Variants in EYS observed in about 807,000 individuals in gnomAD.
EYS encodes protein eyes shut homolog.
Under a neutral mutation model 282.1 loss-of-function variants are expected in EYS, and 250 were observed. The observed-to-expected ratio is 0.89, with a 90% CI of 0.80 to 0.98. The LOEUF is 0.98. EYS is among the 50% of genes least tolerant of loss of function. EYS has a pLI of 0.00. For missense variants in EYS, 4,016 were observed against 3,709.0 expected, an observed-to-expected ratio of 1.08 and a Z score of -2.15; for synonymous variants, 1,355 against 1,282.9, an observed-to-expected ratio of 1.06 and a Z score of -1.20.
chr6:64,278,616 T>G (rs1480590207), intron 30 of EYS, among the ~76,000 whole-genome samples: 2 of 152,182 alleles, frequency 1.3e-5, no homozygotes, highest in African/African-American at 4.8e-5. Context: ...TCTTGATAAT[T>G]TGGGATACCA....
At chr6:63,775,953 T>C (rs1770054640) in intron 40 of EYS, among the ~76,000 whole-genome samples, 1 of 152,292 alleles carries the variant, frequency 6.6e-6, no homozygotes, top group South Asian at 2.1e-4. Context: ...TATATCTTCA[T>C]AGTTAGTAAT....
At chr6:65,010,614 C>T (rs183828167) in intron 13 of EYS, among the ~76,000 whole-genome samples, 82 of 152,216 alleles carry the variant, frequency 5.4e-4, no homozygotes, top group African/African-American at 1.8e-3. Context: ...CTTTGAAAAG[C>T]GAGGTATGCA....
At chr6:64,256,137 A>G (rs1406207963) in intron 30 of EYS, among the ~76,000 whole-genome samples, 1 of 152,026 alleles carries the variant, frequency 6.6e-6, no homozygotes, top group Non-Finnish European at 1.5e-5. Flanking sequence ...GACAAAATTT[A>G]CATACTTTAG....
chr6:63,913,370 C>T (rs1453805527), intron 35 of EYS, among the ~76,000 whole-genome samples: 2 of 152,200 alleles, frequency 1.3e-5, no homozygotes, highest in Admixed American at 1.3e-4. Context: ...AAAATTCACT[C>T]ATTTAAGGCA....
At position 65,491,268 on chromosome 6, in the gene EYS, TATAC is replaced by T. The variant is rs879310901; in HGVS notation, c.749-565_749-562del. ...TATTGTGGTCCCACTATATCAGTTATATACACACACACACACACACACACACACA... is the reference window on the plus strand; with the variant it reads ...TATTGTGGTCCCACTATATCAGTTATACACACACACACACACACACACACA... On this transcript the variant is annotated intron_variant, in intron 4 of 42. Coordinates refer to ENST00000503581, the MANE Select transcript of EYS (RefSeq NM_001142800.2). 888 of 160,666 alleles carry T rather than the reference TATAC, an allele frequency of 5.5e-3. 5 individuals are homozygous for T. Among genetic ancestry groups the T allele is most frequent in the Admixed American group, 0.012 (155 of 13,262 alleles). 10.0% of individuals were successfully genotyped at this position (160,666 alleles called of 1,614,324 possible).
At chr6:63,991,369 T>C (rs896224244) in intron 34 of EYS, among the ~76,000 whole-genome samples, 5 of 151,538 alleles carry the variant, frequency 3.3e-5, no homozygotes, top group African/African-American at 9.7e-5. Flanking sequence ...AGGAACAAAA[T>C]AGATCTCCAG....
intron 30 of EYS, among the ~76,000 whole-genome samples, chr6:64,241,789 G>T (rs1766842327): frequency 6.6e-6 from 1 of 151,724 alleles, no homozygotes; most frequent in Non-Finnish European, 1.5e-5. Context: ...TGATATTAGG[G>T]TGTCAATTTT....
At chr6:64,462,295 C>T (rs561282772) in intron 26 of EYS, among the ~76,000 whole-genome samples, 4 of 152,140 alleles carry the variant, frequency 2.6e-5, no homozygotes, top group East Asian at 1.9e-4. Context: ...GCAATCAAAA[C>T]GAGAGATATA....
intron 2 of EYS, among the ~76,000 whole-genome samples, chr6:65,501,889 T>A (rs1353880676): frequency 6.6e-6 from 1 of 151,730 alleles, no homozygotes; most frequent in Non-Finnish European, 1.5e-5. Flanking sequence ...GACCATAGCA[T>A]CATACATTTA....
chr6:64,420,081 C>G (rs1774182024), intron 28 of EYS, among the ~76,000 whole-genome samples: 1 of 152,180 alleles, frequency 6.6e-6, no homozygotes, highest in Admixed American at 6.5e-5. Flanking sequence ...GATTTCACAC[C>G]TAGATTTCAT....
At chr6:65,258,701 T>C (rs1001236828) in intron 12 of EYS, among the ~76,000 whole-genome samples, 1 of 152,052 alleles carries the variant, frequency 6.6e-6, no homozygotes, top group African/African-American at 2.4e-5. Context: ...CGGTGGAATA[T>C]AAATGAATCC....
chr6:64,629,528 CA>C (rs1471449473), intron 22 of EYS, among the ~76,000 whole-genome samples: 1 of 152,068 alleles, frequency 6.6e-6, no homozygotes, highest in Non-Finnish European at 1.5e-5. Context: ...TCTCCAGTGA[CA>C]CATATCTTTG....
intron 39 of EYS, among the ~76,000 whole-genome samples, chr6:63,785,617 TA>T (rs1296106464): frequency 6.7e-6 from 1 of 149,234 alleles, no homozygotes; most frequent in Non-Finnish European, 1.5e-5. Context: ...AATGGTTCAT[TA>T]TAAGCCATTT....
chr6:64,651,733 T>G (rs1768569077), intron 22 of EYS, among the ~76,000 whole-genome samples: 1 of 152,086 alleles, frequency 6.6e-6, no homozygotes, highest in South Asian at 2.1e-4. Flanking sequence ...AAGTTCAATA[T>G]TGTTATAAGA....
chr6:65,206,825 T>C lies in EYS; in HGVS notation c.2023+89038A>G, dbSNP rs536580133. On this transcript the variant is annotated intron_variant, in intron 12 of 42. Transcript: ENST00000503581. ...AAAAGTATTTGATAAAATCCAACATTTCTTCAAGATGAAAACCCTCAACAA... is the reference window on the plus strand; with the variant it reads ...AAAAGTATTTGATAAAATCCAACATCTCTTCAAGATGAAAACCCTCAACAA... Among the ~76,000 whole-genome samples, 30 of 151,868 alleles carry C rather than the reference T, an allele frequency of 2.0e-4. 1 individual carries two copies. Among genetic ancestry groups the C allele is most frequent in the African/African-American group, 5.1e-4 (21 of 41,504 alleles).
At chr6:64,291,349 C>A (rs1768701393) in intron 30 of EYS, among the ~76,000 whole-genome samples, 1 of 151,976 alleles carries the variant, frequency 6.6e-6, no homozygotes, top group Admixed American at 6.6e-5. Context: ...ATAGTAACAT[C>A]TGAAAATGAT....
At chr6:65,435,776 A>T (rs1309915914) in intron 5 of EYS, among the ~76,000 whole-genome samples, 2 of 152,050 alleles carry the variant, frequency 1.3e-5, no homozygotes, top group African/African-American at 4.8e-5. Context: ...GCCTTTAATG[A>T]TATAATTAAG....
rs116750620 is a variant in EYS, at chr6:63,960,832, G to A, written c.7055+23551C>T. ...TGTGCACTTAATATACTATAGTTAAGTGTAAACATAACTTTTATTGCACTG... is the reference window on the plus strand; with the variant it reads ...TGTGCACTTAATATACTATAGTTAAATGTAAACATAACTTTTATTGCACTG... On this transcript the variant is annotated intron_variant, in intron 35 of 42. Coordinates refer to ENST00000503581, the MANE Select transcript of EYS (RefSeq NM_001142800.2). Among the ~76,000 whole-genome samples, 466 of 152,306 alleles carry A rather than the reference G, an allele frequency of 3.1e-3. 2 individuals are homozygous for A. The highest frequency in any genetic ancestry group is 0.011 in the African/African-American group (438 of 41,552).
intron 33 of EYS, among the ~76,000 whole-genome samples, chr6:64,015,518 GA>G (rs1250167927): frequency 6.6e-6 from 1 of 151,940 alleles, no homozygotes; most frequent in African/African-American, 2.4e-5. Flanking sequence ...AAGAAAAAAA[GA>G]AAAAATTGGT....
Sources: allele counts gnomAD v4.1 joint callset (sites outside exome capture counted in the v4.1 genomes callset), GRCh38; gene constraint gnomAD v4.1.1; transcripts MANE v1.5; gene names NCBI Gene and HGNC (gene_info 2026-07-23, HGNC 2026-07-21).